TMX3: variants seen among roughly 807,000 people sequenced by gnomAD.
TMX3 encodes the protein thioredoxin related transmembrane protein 3.
Under a neutral mutation model 64.4 loss-of-function variants are expected in TMX3, and 40 were observed. The observed-to-expected ratio is 0.62, with a 90% CI of 0.48 to 0.81. The LOEUF (loss-of-function observed/expected upper bound fraction) is 0.81. Among genes scored for constraint, TMX3 ranks in the 30% least tolerant of loss-of-function variants. TMX3 has a pLI of 0.00. For missense variants in TMX3, 497 were observed against 534.5 expected, an observed-to-expected ratio of 0.93 and a Z score of 0.69; for synonymous variants, 189 against 175.7, an observed-to-expected ratio of 1.08 and a Z score of -0.60.
chr18:68,706,696 T>C (rs1435417897), intron 4 of TMX3, among the ~76,000 whole-genome samples: 5 of 152,338 alleles, frequency 3.3e-5, no homozygotes, highest in African/African-American at 1.2e-4. Context: ...CAGGTAGACT[T>C]AGAATAACAA....
chr18:68,684,080 C>T (rs1913708111), intron 12 of TMX3, 110 bp downstream of exon 12: 1 of 814,658 alleles, frequency 1.2e-6, no homozygotes, highest in African/African-American at 1.7e-5. Context: ...TATTTAACTT[C>T]ATTTCTTTGA....
chr18:68,703,836 A>G (rs1323242523), intron 4 of TMX3, among the ~76,000 whole-genome samples: 1 of 152,108 alleles, frequency 6.6e-6, no homozygotes, highest in Non-Finnish European at 1.5e-5. Flanking sequence ...AGGCTGAGGC[A>G]GGAGAATGGT....
intron 12 of TMX3, 22 bp from the exon 13 acceptor site, chr18:68,683,003 T>C (rs538434015): frequency 6.3e-7 from 1 of 1,576,246 alleles, no homozygotes; most frequent in Non-Finnish European, 8.6e-7. Flanking sequence ...CAACCAAAAA[T>C]AAATAAATAA....
intron 8 of TMX3, among the ~76,000 whole-genome samples, chr18:68,692,358 T>TGA (rs1176147150): frequency 6.6e-6 from 1 of 152,176 alleles, no homozygotes; most frequent in African/African-American, 2.4e-5. Context: ...TAGTCTCACA[T>TGA]ATTCTGAAGC....
intron 7 of TMX3, chr18:68,697,618 A>G (rs1241741037): frequency 1.1e-5 from 4 of 372,354 alleles, no homozygotes; most frequent in Non-Finnish European, 1.9e-5. Flanking sequence ...GTGTGTATAC[A>G]CACATACAAA....
chr18:68,675,240 G>T lies in TMX3; in HGVS notation c.*1693C>A, dbSNP rs111798343. ...GAATCACTCATCATTCTTTGGAGAA[G>T]AATCTACTTGTTAAATTAACAGCAT... is the stretch of plus-strand genomic sequence containing the variant. On this transcript the variant is annotated 3_prime_UTR_variant, in exon 16 of 16. Transcript: ENST00000299608. 6.6e-6 allele frequency: 1 copy of T among 152,090 alleles called. No homozygotes were observed. The highest frequency in any genetic ancestry group is 2.4e-5 in the African/African-American group (1 of 41,450). 9.4% of individuals were successfully genotyped at this position (152,090 alleles called of 1,614,324 possible). A position where few individuals can be genotyped will look rare whatever the true frequency, so the allele number is the denominator to read the frequency against.
At chr18:68,705,560 G>T (rs935153020) in intron 4 of TMX3, among the ~76,000 whole-genome samples, 6 of 152,166 alleles carry the variant, frequency 3.9e-5, no homozygotes, top group Admixed American at 3.9e-4. Flanking sequence ...GTCACACTTA[G>T]GTTGGAGAGT....
At chr18:68,684,050 G>A in intron 12 of TMX3, 140 bp downstream of exon 12, 1 of 684,454 alleles carries the variant, frequency 1.5e-6, no homozygotes, top group Non-Finnish European at 2.5e-6. Context: ...TATCTCCTGT[G>A]GATAAGCGAG....
chr18:68,712,636 C>T (rs2031401525), intron 2 of TMX3, among the ~76,000 whole-genome samples: 1 of 152,114 alleles, frequency 6.6e-6, no homozygotes, highest in Admixed American at 6.5e-5. Context: ...AGAATCCCTT[C>T]CTCCTCCTCA....
intron 6 of TMX3, among the ~76,000 whole-genome samples, chr18:68,698,409 T>C (rs1444220037): frequency 6.6e-6 from 1 of 152,160 alleles, no homozygotes; most frequent in Non-Finnish European, 1.5e-5. Context: ...CAAAAGATCA[T>C]TCACAAAAAC....
At chr18:68,704,537 G>A (rs991678943) in intron 4 of TMX3, among the ~76,000 whole-genome samples, 3 of 152,230 alleles carry the variant, frequency 2.0e-5, no homozygotes, top group South Asian at 2.1e-4. Context: ...AGGAAGATTC[G>A]GTAACTTGTT....
intron 6 of TMX3, among the ~76,000 whole-genome samples, chr18:68,699,001 G>A (rs1274290770): frequency 2.7e-5 from 4 of 148,164 alleles, no homozygotes; most frequent in East Asian, 2.0e-4. Context: ...CAGCCTGGGC[G>A]AAAGAGCGAG....
At chr18:68,711,459 T>C (rs909441194) in intron 2 of TMX3, 56 bp from the exon 3 acceptor site, 1 of 1,275,216 alleles carries the variant, frequency 7.8e-7, no homozygotes, top group Non-Finnish European at 1.1e-6. Flanking sequence ...TTTACAACTG[T>C]ATAGTATAGG....
intron 4 of TMX3, among the ~76,000 whole-genome samples, chr18:68,704,267 C>T (rs574092736): frequency 6.6e-6 from 1 of 152,056 alleles, no homozygotes; most frequent in Non-Finnish European, 1.5e-5. Context: ...AATTAATGTG[C>T]AGAATATTTT....
chr18:68,713,005 A>T (rs1160985703), intron 2 of TMX3, among the ~76,000 whole-genome samples: 2 of 136,350 alleles, frequency 1.5e-5, no homozygotes, highest in African/African-American at 5.7e-5. Flanking sequence ...AAGAGGTTTA[A>T]AAAAAAAAAA....
At chr18:68,677,515 C>A (rs1055413475) in intron 15 of TMX3, among the ~76,000 whole-genome samples, 1 of 152,116 alleles carries the variant, frequency 6.6e-6, no homozygotes, top group Non-Finnish European at 1.5e-5. Flanking sequence ...TTACTATGTG[C>A]GCCCAGCAGC....
chr18:68,696,136 C>T (rs1434948132), intron 8 of TMX3, among the ~76,000 whole-genome samples: 1 of 152,108 alleles, frequency 6.6e-6, no homozygotes, highest in Non-Finnish European at 1.5e-5. Context: ...CCTATTTGCC[C>T]CAACTATTAC....
intron 9 of TMX3, among the ~76,000 whole-genome samples, chr18:68,690,646 A>G (rs1234845530): frequency 6.6e-6 from 1 of 152,204 alleles, no homozygotes; most frequent in African/African-American, 2.4e-5. Flanking sequence ...GCACATGGTG[A>G]TGAAATGCCA....
intron 9 of TMX3, among the ~76,000 whole-genome samples, chr18:68,690,705 G>A (rs553190553): frequency 1.3e-5 from 2 of 152,310 alleles, no homozygotes; most frequent in South Asian, 4.1e-4. Flanking sequence ...TGAAGTTGGA[G>A]CAAATGTCAT....
Sources: gnomAD v4.1 joint callset for allele counts (sites outside exome capture counted in the v4.1 genomes callset) on GRCh38, gnomAD v4.1.1 for gene constraint, MANE v1.5 for transcripts, NCBI Gene and HGNC (gene_info 2026-07-23, HGNC 2026-07-21) for gene names.